IFRD1: variants seen among roughly 807,000 people sequenced by gnomAD.
IFRD1 encodes interferon related developmental regulator 1.
In IFRD1, 35 loss-of-function variants were observed where a neutral mutation model predicts 52.9. The observed-to-expected ratio is 0.66, with a 90% CI of 0.51 to 0.88. IFRD1 has a LOEUF of 0.88. Ranked by LOEUF, IFRD1 falls within the 40% of genes least tolerant of loss-of-function variation. The pLI is 0.00. For missense variants in IFRD1, 517 were observed against 550.8 expected (o/e 0.94, Z 0.61); for synonymous variants, 184 against 188.4 (o/e 0.98, Z 0.19).
intron 8 of IFRD1, among the ~76,000 whole-genome samples, chr7:112,463,939 C>T (rs919828193): frequency 7.3e-5 from 11 of 150,408 alleles, no homozygotes; most frequent in Non-Finnish European, 5.9e-5. Flanking sequence ...ACAGGATAAC[C>T]AGGAGAACTC....
chr7:112,450,579 C>T lies in IFRD1; in HGVS notation c.-110C>T. 1 of 824,634 alleles carries T rather than the reference C, an allele frequency of 1.2e-6. No individual in the cohort carries two copies. Among genetic ancestry groups the T allele is most frequent in the Non-Finnish European group, 2.1e-6 (1 of 480,160 alleles). 51.1% of individuals were successfully genotyped at this position (824,634 alleles called of 1,614,324 possible). ...GCCGCTTCTCGACTCTGTTGTTAGC[C>T]GAAGACTCGCCTCTCAGCCGCCCGC... On this transcript the variant is annotated 5_prime_UTR_variant, in exon 1 of 12. Coordinates refer to ENST00000403825, the MANE Select transcript of IFRD1 (RefSeq NM_001550.4).
rs1191122942 is a variant in IFRD1, at chr7:112,476,694, A to G, written c.*1175A>G. On this transcript the variant is annotated 3_prime_UTR_variant, in exon 12 of 12. Transcript: ENST00000403825. ...ATTGCTGCTTGTTTGCCCATGAGGT[A>G]TATTTCTTTCATTTTATGAAAAGCA... 1 of 152,214 alleles carries G rather than the reference A, an allele frequency of 6.6e-6. No individual in the cohort carries two copies. The highest frequency in any genetic ancestry group is 1.5e-5 in the Non-Finnish European group (1 of 68,036). 9.4% of individuals were successfully genotyped at this position (152,214 alleles called of 1,614,324 possible).
At chr7:112,425,155 C>T (rs1159327669) in intron 1 of IFRD1, among the ~76,000 whole-genome samples, 1 of 152,200 alleles carries the variant, frequency 6.6e-6, no homozygotes, top group Admixed American at 6.5e-5. Flanking sequence ...ATAGGTATGG[C>T]ACCATGCCTA....
At chr7:112,464,459 G>A (rs2708608) in intron 8 of IFRD1, among the ~76,000 whole-genome samples, 123,699 of 152,132 alleles carry the variant, frequency 0.81, 51,215 homozygotes, top group Middle Eastern at 0.95. Flanking sequence ...GCCTACCTTC[G>A]GATCTCTTTC....
At chr7:112,431,438 C>T (rs1584463847) in intron 1 of IFRD1, among the ~76,000 whole-genome samples, 1 of 152,160 alleles carries the variant, frequency 6.6e-6, no homozygotes, top group East Asian at 1.9e-4. Flanking sequence ...ACATGAATGA[C>T]ATGCATCAGT....
intron 11 of IFRD1, 66 bp from the exon 12 acceptor site, chr7:112,475,364 C>G (rs1795873754): frequency 1.1e-6 from 1 of 884,436 alleles, no homozygotes; most frequent in Non-Finnish European, 1.9e-6. Context: ...GACTTTTACC[C>G]TTTTTCTGTT....
At chr7:112,466,176 A>G (rs1425620432) in intron 8 of IFRD1, among the ~76,000 whole-genome samples, 3 of 151,654 alleles carry the variant, frequency 2.0e-5, no homozygotes, top group Non-Finnish European at 4.4e-5. Flanking sequence ...ATTATCGTAA[A>G]GTCCTATTAA....
intron 1 of IFRD1, among the ~76,000 whole-genome samples, chr7:112,437,881 G>A (rs1007013565): frequency 6.6e-6 from 1 of 152,148 alleles, no homozygotes; most frequent in Non-Finnish European, 1.5e-5. Flanking sequence ...GGAAAGGACA[G>A]GGTCTAGACA....
intron 5 of IFRD1, among the ~76,000 whole-genome samples, chr7:112,460,234 T>G (rs980557933): frequency 6.8e-6 from 1 of 147,930 alleles, no homozygotes; most frequent in African/African-American, 2.5e-5. Context: ...ATTGAGGCAG[T>G]CCTAGGGTTT....
At chr7:112,462,981 A>G (rs1347782024) in intron 8 of IFRD1, among the ~76,000 whole-genome samples, 1 of 152,168 alleles carries the variant, frequency 6.6e-6, no homozygotes, top group East Asian at 1.9e-4. Context: ...TTGGTTTAGC[A>G]CTTACCATCT....
chr7:112,455,345 C>T (rs938779167), intron 1 of IFRD1, among the ~76,000 whole-genome samples: 2 of 151,886 alleles, frequency 1.3e-5, no homozygotes, highest in African/African-American at 4.8e-5. Context: ...ATTTGTCAGG[C>T]GTGGTGGTGT....
intron 1 of IFRD1, among the ~76,000 whole-genome samples, chr7:112,454,503 C>G (rs1795240691): frequency 6.6e-6 from 1 of 152,130 alleles, no homozygotes; most frequent in African/African-American, 2.4e-5. Flanking sequence ...AGCATTGGTA[C>G]TTTTAAACTC....
rs1288122550 is a variant in IFRD1, at chr7:112,450,637, A to G, written c.-52A>G. 6 of 1,448,580 alleles carry G rather than the reference A, an allele frequency of 4.1e-6. No homozygotes were observed. The Admixed American group carries it at 6.7e-5, about 16-fold the overall frequency. The allele number at this position is 1,448,580 out of a possible 1,614,324, so 89.7% of individuals were successfully genotyped here. A position where few individuals can be genotyped will look rare whatever the true frequency, so the allele number is the denominator to read the frequency against. On this transcript the variant is annotated 5_prime_UTR_variant, in exon 1 of 12. Coordinates refer to ENST00000403825, the MANE Select transcript of IFRD1 (RefSeq NM_001550.4). ...ACGCACGAGTAAAAAGTGCAGCTCC[A>G]TCGGCTGATCCTCGCTAAGCTCCGA...
chr7:112,457,226 AC>A, intron 4 of IFRD1, 188 bp downstream of exon 4: 1 of 640,880 alleles, frequency 1.6e-6, no homozygotes, highest in Non-Finnish European at 2.7e-6. Flanking sequence ...TATTACGTAA[AC>A]CAAAAAAAAA....
At chr7:112,471,129 ACT>A (rs1334289024) in intron 9 of IFRD1, among the ~76,000 whole-genome samples, 1 of 151,758 alleles carries the variant, frequency 6.6e-6, no homozygotes. Flanking sequence ...AAATAAGATA[ACT>A]CTACTGTTAT....
intron 1 of IFRD1, chr7:112,423,443 T>G (rs2117213018): frequency 6.6e-6 from 1 of 152,302 alleles, no homozygotes; most frequent in Middle Eastern, 3.4e-3. Context: ...GTAGGTATTA[T>G]CTCCATTTGC....
chr7:112,467,831 T>C, intron 8 of IFRD1, 150 bp from the exon 9 acceptor site: 1 of 750,510 alleles, frequency 1.3e-6, no homozygotes, highest in Admixed American at 2.2e-5. Context: ...AACATGTGTT[T>C]ATGTGTGCCT....
chr7:112,445,257 G>A (rs539037626), intron 1 of IFRD1, among the ~76,000 whole-genome samples: 282 of 151,878 alleles, frequency 1.9e-3, no homozygotes, highest in East Asian at 3.3e-3. Context: ...TAGTAGAGAC[G>A]GGGTTTCACC....
chr7:112,448,922 G>A (rs1365503418), upstream of IFRD1, among the ~76,000 whole-genome samples: 3 of 152,204 alleles, frequency 2.0e-5, no homozygotes, highest in Admixed American at 6.5e-5. Context: ...GAAGAGAGCC[G>A]TGTATTGGAA....
Sources: allele counts gnomAD v4.1 joint callset (sites outside exome capture counted in the v4.1 genomes callset), GRCh38; gene constraint gnomAD v4.1.1; transcripts MANE v1.5; gene names NCBI Gene and HGNC (gene_info 2026-07-23, HGNC 2026-07-21).